The following ARHGAP15 variants were observed in gnomAD, a reference collection of about 807,000 sequenced individuals.
ARHGAP15 encodes the protein Rho GTPase activating protein 15.
ARHGAP15 carries 51 observed loss-of-function variants against 63.7 expected under a neutral mutation model. The observed-to-expected ratio is 0.80, with a 90% confidence interval of 0.64 to 1.01. ARHGAP15 has a LOEUF of 1.01. Among genes scored for constraint, ARHGAP15 ranks in the 50% least tolerant of loss-of-function variants. ARHGAP15 has a pLI of 0.00. For synonymous variants in ARHGAP15, 191 were observed against 193.8 expected (o/e 0.99, Z 0.12); for missense variants, 560 against 564.6 (o/e 0.99, Z 0.08).
chr2:143,439,776 A>G lies in ARHGAP15; in HGVS notation c.703+2734A>G, dbSNP rs534822890. On this transcript the variant is annotated intron_variant, in intron 8 of 13. Coordinates refer to ENST00000295095, the MANE Select transcript of ARHGAP15 (RefSeq NM_018460.4). ...TAGAGCCTGTACTTTTAATCATTAC[A>G]TTATAACAAAGTGAACAAGTAAAAG... Among the ~76,000 whole-genome samples, 239 of 152,276 alleles carry G rather than the reference A, an allele frequency of 1.6e-3. 2 individuals carry two copies. The highest frequency in any genetic ancestry group is 5.3e-3 in the African/African-American group (219 of 41,580).
chr2:143,367,109 G>A (rs1044151879), intron 6 of ARHGAP15, among the ~76,000 whole-genome samples: 12 of 152,098 alleles, frequency 7.9e-5, no homozygotes, highest in Admixed American at 5.2e-4. Flanking sequence ...TTCTTCAATT[G>A]ATTAGACATT....
At chr2:143,212,894 G>T (rs925051662) in intron 3 of ARHGAP15, among the ~76,000 whole-genome samples, 1 of 152,060 alleles carries the variant, frequency 6.6e-6, no homozygotes, top group Admixed American at 6.5e-5. Context: ...ATCCTACCTC[G>T]TGGAAACTTC....
At chr2:143,207,235 T>C (rs1428044972) in intron 3 of ARHGAP15, among the ~76,000 whole-genome samples, 1 of 151,936 alleles carries the variant, frequency 6.6e-6, no homozygotes, top group Non-Finnish European at 1.5e-5. Flanking sequence ...CAGTTCTAAA[T>C]AAATGAAACT....
At chr2:143,597,160 G>A (rs1042592880) in intron 11 of ARHGAP15, among the ~76,000 whole-genome samples, 19 of 151,968 alleles carry the variant, frequency 1.3e-4, no homozygotes, top group Non-Finnish European at 2.8e-4. Context: ...ATGATATGAA[G>A]CAGAGTTTTG....
At chr2:143,448,084 C>G (rs1268555640) in intron 8 of ARHGAP15, among the ~76,000 whole-genome samples, 2 of 152,096 alleles carry the variant, frequency 1.3e-5, no homozygotes, top group Non-Finnish European at 2.9e-5. Context: ...AGCAGTTTTT[C>G]AGATGGAGAA....
intron 2 of ARHGAP15, among the ~76,000 whole-genome samples, chr2:143,190,354 T>C (rs1691632226): frequency 6.6e-6 from 1 of 152,216 alleles, no homozygotes. Context: ...GATATCCAAA[T>C]TTTAGTGTCT....
intron 3 of ARHGAP15, among the ~76,000 whole-genome samples, chr2:143,214,182 G>C (rs1428517435): frequency 6.6e-6 from 1 of 152,110 alleles, no homozygotes; most frequent in Non-Finnish European, 1.5e-5. Flanking sequence ...AGCAGAGAAC[G>C]CATGCATCAA....
chr2:143,497,273 G>A (rs1281148403), intron 9 of ARHGAP15, among the ~76,000 whole-genome samples: 1 of 152,150 alleles, frequency 6.6e-6, no homozygotes, highest in Non-Finnish European at 1.5e-5. Flanking sequence ...ACTAGTTGGA[G>A]ACAACCAAAA....
At chr2:143,541,169 C>A (rs1009776539) in intron 10 of ARHGAP15, among the ~76,000 whole-genome samples, 1 of 152,158 alleles carries the variant, frequency 6.6e-6, no homozygotes. Context: ...TTGATCGCAT[C>A]GGTTACTGAG....
chr2:143,172,140 T>C (rs1574045364), intron 2 of ARHGAP15: 2 of 152,224 alleles, frequency 1.3e-5, no homozygotes, highest in African/African-American at 4.8e-5. Context: ...CATTCAGCAA[T>C]CTCTACTTAC....
chr2:143,588,390 G>A (rs564742302), intron 11 of ARHGAP15, among the ~76,000 whole-genome samples: 4 of 152,182 alleles, frequency 2.6e-5, no homozygotes, highest in Non-Finnish European at 4.4e-5. Flanking sequence ...TAAGTTCCAG[G>A]AGACATGTGC....
At chr2:143,361,910 A>G (rs1686072333) in intron 6 of ARHGAP15, among the ~76,000 whole-genome samples, 1 of 152,328 alleles carries the variant, frequency 6.6e-6, no homozygotes, top group East Asian at 1.9e-4. Flanking sequence ...TAGGAAAAAC[A>G]GTTCAAACTC....
rs1553480223 is a variant in ARHGAP15, at chr2:143,435,595, T to TTG, written c.475-5_475-4dup. 4 of 1,538,206 alleles carry TTG rather than the reference T, an allele frequency of 2.6e-6. No individual in the cohort carries two copies. Among genetic ancestry groups the TTG allele is most frequent in the Non-Finnish European group, 3.5e-6 (4 of 1,156,830 alleles). On this transcript the variant is annotated splice_region_variant and splice_polypyrimidine_tract_variant and intron_variant, in intron 6 of 13. Coordinates refer to ENST00000295095, the MANE Select transcript of ARHGAP15 (RefSeq NM_018460.4). Reference sequence around the variant, plus strand: ...CTATTTCTTTTTCTTTTTTTTTTTTTTGCAGATCACAACAGTATCAGGAAA... The same window carrying TTG: ...CTATTTCTTTTTCTTTTTTTTTTTTTTGTGCAGATCACAACAGTATCAGGAAA...
chr2:143,170,153 A>G (rs1045386961), intron 2 of ARHGAP15, among the ~76,000 whole-genome samples: 2 of 151,762 alleles, frequency 1.3e-5, no homozygotes, highest in African/African-American at 4.8e-5. Flanking sequence ...ACCACCCTGA[A>G]CTCTTATTCA....
At chr2:143,549,574 G>A in intron 10 of ARHGAP15, among the ~76,000 whole-genome samples, 1 of 152,106 alleles carries the variant, frequency 6.6e-6, no homozygotes, top group Non-Finnish European at 1.5e-5. Context: ...TAAATAACAG[G>A]ATCTAACAGC....
intron 6 of ARHGAP15, among the ~76,000 whole-genome samples, chr2:143,315,789 T>G (rs182959364): frequency 6.6e-6 from 1 of 152,176 alleles, no homozygotes; most frequent in Non-Finnish European, 1.5e-5. Flanking sequence ...AAATATATAT[T>G]AAATATTTAT....
chr2:143,555,860 AAGAATAGAATAGAAT>A (rs60637898), intron 10 of ARHGAP15, among the ~76,000 whole-genome samples: 6,534 of 138,114 alleles, frequency 0.047, 187 homozygotes, highest in Middle Eastern at 0.066. Context: ...ACAGGAAAAC[AAGAATAGAATAGAAT>A]AGAATAGAAT....
At chr2:143,331,684 T>C (rs1471399114) in intron 6 of ARHGAP15, among the ~76,000 whole-genome samples, 2 of 152,176 alleles carry the variant, frequency 1.3e-5, no homozygotes, top group African/African-American at 4.8e-5. Flanking sequence ...CAAAGTGCTC[T>C]TAAGAGGTAC....
At chr2:143,598,609 T>C (rs892471319) in intron 11 of ARHGAP15, among the ~76,000 whole-genome samples, 8 of 152,142 alleles carry the variant, frequency 5.3e-5, no homozygotes, top group Admixed American at 1.3e-4. Flanking sequence ...AGCAATGAGC[T>C]GTTCACTCTT....
Sources: gnomAD v4.1 joint callset for allele counts (sites outside exome capture counted in the v4.1 genomes callset) on GRCh38, gnomAD v4.1.1 for gene constraint, MANE v1.5 for transcripts, NCBI Gene and HGNC (gene_info 2026-07-23, HGNC 2026-07-21) for gene names.